Variants in CLIP1 observed in about 807,000 individuals in gnomAD.
CLIP1 encodes the protein CAP-Gly domain-containing linker protein 1.
Under a neutral mutation model 161.6 loss-of-function variants are expected in CLIP1, and 66 were observed. The observed-to-expected ratio is 0.41, with a 90% CI of 0.33 to 0.50. CLIP1 has a LOEUF of 0.50. Ranked by LOEUF, CLIP1 falls within the 20% of genes least tolerant of loss-of-function variation. The pLI is 0.27. For synonymous variants in CLIP1, 598 were observed against 626.2 expected, an observed-to-expected ratio of 0.96 and a Z score of 0.67; for missense variants, 1,376 against 1,702.0, an observed-to-expected ratio of 0.81 and a Z score of 3.37.
At chr12:122,358,145 C>A (rs966930816) in intron 5 of CLIP1, among the ~76,000 whole-genome samples, 2 of 151,918 alleles carry the variant, frequency 1.3e-5, no homozygotes, top group Non-Finnish European at 2.9e-5. Flanking sequence ...TTACCCCCAA[C>A]CCTGTGCTCT....
chr12:122,372,033 G>T (rs1045583504), intron 3 of CLIP1, among the ~76,000 whole-genome samples: 3 of 151,996 alleles, frequency 2.0e-5, no homozygotes, highest in African/African-American at 7.3e-5. Flanking sequence ...TGTAATCCCA[G>T]AACTTTGGGA....
chr12:122,409,241 T>C (rs1239720716), intron 1 of CLIP1, among the ~76,000 whole-genome samples: 1 of 151,966 alleles, frequency 6.6e-6, no homozygotes, highest in Non-Finnish European at 1.5e-5. Context: ...TTCTTCCGCC[T>C]CAGCCTCTGG....
chr12:122,343,972 C>T (rs1359563864), intron 10 of CLIP1: 1 of 152,280 alleles, frequency 6.6e-6, no homozygotes, highest in Non-Finnish European at 1.5e-5. Context: ...ATACCTAGCA[C>T]TTTGGGAGGC....
chr12:122,336,964 T>TG (rs1305116975), intron 11 of CLIP1, among the ~76,000 whole-genome samples: 5 of 149,884 alleles, frequency 3.3e-5, no homozygotes, highest in South Asian at 4.2e-4. Context: ...ATTTTTGTGT[T>TG]TTTTTTTTTT....
At chr12:122,360,358 G>A (rs1457725649) in intron 5 of CLIP1, among the ~76,000 whole-genome samples, 6 of 147,754 alleles carry the variant, frequency 4.1e-5, no homozygotes, top group African/African-American at 1.0e-4. Context: ...AGGATCGCTT[G>A]AGCCTAAGAA....
At chr12:122,362,712 A>AT (rs1953925963) in intron 4 of CLIP1, among the ~76,000 whole-genome samples, 1 of 30,880 alleles carries the variant, frequency 3.2e-5, no homozygotes, top group Non-Finnish European at 6.8e-5. Context: ...TAAAAATATG[A>AT]TAAAAAAAAA....
chr12:122,327,893 C>G, intron 17 of CLIP1, 54 bp downstream of exon 17: 3 of 1,548,284 alleles, frequency 1.9e-6, no homozygotes, highest in South Asian at 2.3e-5. Context: ...CTTCCTGCCT[C>G]GACACAGAGC....
At chr12:122,312,900 T>C (rs1343298577) in intron 19 of CLIP1, among the ~76,000 whole-genome samples, 1 of 152,150 alleles carries the variant, frequency 6.6e-6, no homozygotes, top group Admixed American at 6.5e-5. Context: ...ACGGAAGAAG[T>C]AAGCAGCTGC....
intron 1 of CLIP1, chr12:122,400,369 AG>A (rs1352970509): frequency 6.6e-6 from 1 of 151,944 alleles, no homozygotes; most frequent in Admixed American, 6.6e-5. Flanking sequence ...GGGCCTGCTT[AG>A]CCCCAATTTA....
chr12:122,366,040 G>A (rs1267528467), intron 3 of CLIP1, among the ~76,000 whole-genome samples: 3 of 151,670 alleles, frequency 2.0e-5, no homozygotes, highest in African/African-American at 4.8e-5. Context: ...GGCCAGGCAC[G>A]ATGGCTCACG....
chr12:122,338,827 T>G (rs1481391762), intron 11 of CLIP1, among the ~76,000 whole-genome samples: 1 of 152,234 alleles, frequency 6.6e-6, no homozygotes, highest in East Asian at 1.9e-4. Flanking sequence ...AAATATTATC[T>G]TCTAATTAAT....
rs765234289 is a variant in CLIP1, at chr12:122,278,973, G to A, written c.3766-31C>T. 5.7e-5 allele frequency: 91 copies of A among 1,605,440 alleles called. No homozygotes were observed. In the East Asian group the frequency reaches 2.0e-3, roughly 36 times the overall value. On this transcript the variant is annotated intron_variant, in intron 22 of 25. Coordinates refer to ENST00000620786, the MANE Select transcript of CLIP1 (RefSeq NM_001247997.2). ...ACACAGTTGTTTAGCTTAGGCTGAGGGTTTGAACGAAAGGAGGCCGCGTGA... is the reference window on the plus strand; with the variant it reads ...ACACAGTTGTTTAGCTTAGGCTGAGAGTTTGAACGAAAGGAGGCCGCGTGA...
chr12:122,387,912 T>G (rs1001639205), intron 1 of CLIP1, among the ~76,000 whole-genome samples: 3 of 152,020 alleles, frequency 2.0e-5, no homozygotes, highest in Admixed American at 6.6e-5. Flanking sequence ...GAATTAATAT[T>G]TTTAAATATT....
chr12:122,411,671 A>G (rs1453953006), intron 1 of CLIP1, among the ~76,000 whole-genome samples: 1 of 152,178 alleles, frequency 6.6e-6, no homozygotes, highest in African/African-American at 2.4e-5. Context: ...TTTATAAGAA[A>G]TGTCCAGAAT....
chr12:122,354,977 C>T (rs1398911707), intron 6 of CLIP1, 138 bp downstream of exon 6: 2 of 749,386 alleles, frequency 2.7e-6, no homozygotes, highest in Non-Finnish European at 4.5e-6. Context: ...AGCTTTCAAA[C>T]AAGCACAGCA....
intron 19 of CLIP1, among the ~76,000 whole-genome samples, chr12:122,313,991 T>C (rs931531410): frequency 7.3e-5 from 11 of 151,318 alleles, no homozygotes; most frequent in African/African-American, 2.7e-4. Flanking sequence ...ACCCCATCTC[T>C]ACTAAAAATA....
chr12:122,394,934 C>G (rs1446742781), intron 1 of CLIP1, among the ~76,000 whole-genome samples: 1 of 152,078 alleles, frequency 6.6e-6, no homozygotes, highest in African/African-American at 2.4e-5. Flanking sequence ...CTGTACGAAC[C>G]AACACCTTTT....
At chr12:122,278,120 G>T in intron 24 of CLIP1, 34 bp downstream of exon 24, 1 of 1,582,436 alleles carries the variant, frequency 6.3e-7, no homozygotes. Context: ...TTGAAAAACA[G>T]CAAGAAAGTA....
chr12:122,385,340 T>C (rs1417729569), intron 1 of CLIP1, among the ~76,000 whole-genome samples: 1 of 151,828 alleles, frequency 6.6e-6, no homozygotes, highest in Non-Finnish European at 1.5e-5. Flanking sequence ...TGAAAAGGAG[T>C]GACGGCAACG....
Sources: allele counts gnomAD v4.1 joint callset (sites outside exome capture counted in the v4.1 genomes callset), GRCh38; gene constraint gnomAD v4.1.1; transcripts MANE v1.5; gene names NCBI Gene and HGNC (gene_info 2026-07-23, HGNC 2026-07-21).